RIF1: variants seen among roughly 807,000 people sequenced by gnomAD.
The protein encoded by RIF1 is replication timing regulatory factor 1, also known as telomere-associated protein RIF1.
Under a neutral mutation model 247.1 loss-of-function variants are expected in RIF1, and 45 were observed. The ratio of observed to expected loss-of-function variants is 0.18; its 90% CI spans 0.14 to 0.23. The LOEUF (loss-of-function observed/expected upper bound fraction) is 0.23, where lower values mean the gene tolerates loss of function less well. Ranked by LOEUF, RIF1 falls within the 10% of genes least tolerant of loss-of-function variation. The pLI, the probability that RIF1 is intolerant of heterozygous loss-of-function variation, is 1.00. For synonymous variants in RIF1, 1,087 were observed against 978.8 expected (o/e 1.11, Z -2.06); for missense variants, 2,967 against 2,862.5 (o/e 1.04, Z -0.83).
At chr2:151,491,779 A>C in intron 9 of RIF1, 12 of 1,577,010 alleles carry the variant, frequency 7.6e-6, no homozygotes, top group Non-Finnish European at 9.5e-6. Flanking sequence ...CGTAAACCTG[A>C]AAGGGAAACC....
chr2:151,505,771 T>C (rs1158125670), intron 12 of RIF1, among the ~76,000 whole-genome samples: 2 of 152,144 alleles, frequency 1.3e-5, no homozygotes, highest in Non-Finnish European at 2.9e-5. Flanking sequence ...ACGCTTTGTC[T>C]CTCTCTCGTC....
chr2:151,413,789 A>G (rs753448306), intron 3 of RIF1, among the ~76,000 whole-genome samples: 4 of 152,182 alleles, frequency 2.6e-5, no homozygotes, highest in Non-Finnish European at 4.4e-5. Flanking sequence ...CTGCTCATAT[A>G]TTTAACCATT....
chr2:151,443,022 C>A (rs1002676374), intron 16 of RIF1, among the ~76,000 whole-genome samples: 7 of 151,820 alleles, frequency 4.6e-5, no homozygotes, highest in African/African-American at 1.7e-4. Flanking sequence ...GTGATCCACC[C>A]GCCTCGGCCT....
At chr2:151,514,995 A>C in the RIF1 span, 17 of 997,166 alleles carry the variant, frequency 1.7e-5, no homozygotes, top group African/African-American at 3.3e-5. Flanking sequence ...TCTCCATCTC[A>C]GGAAGAAAAA....
chr2:151,471,412 G>T (rs930460946), intron 34 of RIF1, among the ~76,000 whole-genome samples: 16 of 152,180 alleles, frequency 1.1e-4, no homozygotes, highest in African/African-American at 3.9e-4. Flanking sequence ...TGTTGCCATT[G>T]CTTTTGGTGT....
intron 13 of RIF1, among the ~76,000 whole-genome samples, chr2:151,507,536 G>A (rs1034493418): frequency 2.6e-5 from 4 of 152,152 alleles, no homozygotes; most frequent in African/African-American, 7.2e-5. Context: ...GAGATACTAG[G>A]AGAATCTGAA....
chr2:151,440,132 G>A lies in RIF1; in HGVS notation c.1647+5G>A. The A allele has an allele frequency of 7.1e-7, 1 of 1,413,390 alleles. No individual in the cohort carries two copies. Among genetic ancestry groups the A allele is most frequent in the Non-Finnish European group, 9.9e-7 (1 of 1,011,102 alleles). The allele number at this position is 1,413,390 out of a possible 1,614,324, so 87.6% of individuals were successfully genotyped here. The stretch of plus-strand genomic sequence containing the variant: ...TTTCCTGTATCAAAAACGCTGGTAA[G>A]TATAATACCCGTATGTTGGACTTTA... On this transcript the variant is annotated splice_donor_5th_base_variant and intron_variant, in intron 15 of 35. Transcript: ENST00000444746.
chr2:151,435,405 T>A (rs1362064169), intron 10 of RIF1, 58 bp from the exon 11 acceptor site: 1 of 953,566 alleles, frequency 1.0e-6, no homozygotes, highest in Non-Finnish European at 1.7e-6. Flanking sequence ...TATGTGAGGC[T>A]TTTAAAAACT....
intron 15 of RIF1, 113 bp downstream of exon 15, chr2:151,440,240 C>A: frequency 1.5e-6 from 1 of 667,674 alleles, no homozygotes; most frequent in African/African-American, 1.9e-5. Flanking sequence ...ATCAAGCATT[C>A]ATCAGCAGTT....
At chr2:151,453,879 T>C (rs1694769180) in intron 21 of RIF1, among the ~76,000 whole-genome samples, 4 of 152,210 alleles carry the variant, frequency 2.6e-5, no homozygotes, top group African/African-American at 9.7e-5. Flanking sequence ...TAATATCACA[T>C]GGATTATGCT....
At position 151,411,665 on chromosome 2, in the gene RIF1, T is replaced by A. The variant is rs542991314; in HGVS notation, c.183+327T>A. ...ATCCGCCTGCCTCAGCCTCCCAAAG[T>A]GTTGGGATTACAGGAGTGAGCCACT... On this transcript the variant is annotated intron_variant, in intron 3 of 35. Coordinates refer to ENST00000444746, the MANE Select transcript of RIF1 (RefSeq NM_018151.5). Among the ~76,000 whole-genome samples, 7 of 152,322 alleles carry A rather than the reference T, an allele frequency of 4.6e-5. No homozygotes were observed. The South Asian group carries it at 1.5e-3, about 32-fold the overall frequency.
chr2:151,502,517 C>CAGTT (rs1211471067), intron 11 of RIF1, among the ~76,000 whole-genome samples: 3 of 151,922 alleles, frequency 2.0e-5, no homozygotes, highest in Admixed American at 6.6e-5. Context: ...TGTGTTACAC[C>CAGTT]AGTTAGAAAC....
intron 10 of RIF1, among the ~76,000 whole-genome samples, chr2:151,495,774 T>C (rs1262735409): frequency 2.0e-5 from 3 of 152,192 alleles, no homozygotes; most frequent in Non-Finnish European, 4.4e-5. Flanking sequence ...TTGCCAAAAC[T>C]ACTATTGGAT....
chr2:151,525,994 A>G, the RIF1 span: 1 of 1,614,026 alleles, frequency 6.2e-7, no homozygotes, highest in Non-Finnish European at 8.5e-7. Flanking sequence ...TGACGTGAAC[A>G]GTGTCCCGGG....
Position 151,409,987 on chromosome 2 carries a change from G to T in RIF1, c.-57G>T. ...GAAAGTCGAGCTCTGGCAGCGTCTG[G>T]GTGCTGAGGGGCAGAGGCGGAGAGA... On this transcript the variant is annotated 5_prime_UTR_variant, in exon 1 of 36. Coordinates refer to ENST00000444746, the MANE Select transcript of RIF1 (RefSeq NM_018151.5). 1 of 702,472 alleles carries T rather than the reference G, an allele frequency of 1.4e-6. No homozygotes were observed. The highest frequency in any genetic ancestry group is 1.5e-5 in the South Asian group (1 of 67,380). 43.5% of individuals were successfully genotyped at this position (702,472 alleles called of 1,614,324 possible). A position where few individuals can be genotyped will look rare whatever the true frequency, so the allele number is the denominator to read the frequency against.
At chr2:151,422,541 C>G (rs1227644558) in intron 7 of RIF1, among the ~76,000 whole-genome samples, 2 of 151,518 alleles carry the variant, frequency 1.3e-5, no homozygotes, top group Non-Finnish European at 2.9e-5. Context: ...GCTCTGTCGC[C>G]CAGGCTGGAG....
chr2:151,526,629 G>A, the RIF1 span, among the ~76,000 whole-genome samples: 9 of 152,160 alleles, frequency 5.9e-5, no homozygotes, highest in African/African-American at 1.2e-4. Flanking sequence ...AAATCATGGC[G>A]TTTCCATAAA....
the RIF1 span, among the ~76,000 whole-genome samples, chr2:151,525,756 CCCACATTTG>C: frequency 3.3e-5 from 5 of 152,172 alleles, no homozygotes; most frequent in South Asian, 1.0e-3. Context: ...TGTAGCAAAA[CCCACATTTG>C]CCATAATTGC....
chr2:151,518,521 A>G, the RIF1 span: 1 of 752,498 alleles, frequency 1.3e-6, no homozygotes, highest in East Asian at 2.5e-5. Context: ...ACCATTGTCA[A>G]GATCAAACTA....
Sources: allele counts gnomAD v4.1 joint callset (sites outside exome capture counted in the v4.1 genomes callset), GRCh38; gene constraint gnomAD v4.1.1; transcripts MANE v1.5; gene names NCBI Gene and HGNC (gene_info 2026-07-23, HGNC 2026-07-21).